The following DAB1 variants were observed in gnomAD, a reference collection of about 807,000 sequenced individuals.
DAB1 encodes the protein disabled homolog 1.
Under a neutral mutation model 64.6 loss-of-function variants are expected in DAB1, and 15 were observed. The ratio of observed to expected loss-of-function variants is 0.23; its 90% CI spans 0.16 to 0.36. The LOEUF is 0.36. Ranked by LOEUF, DAB1 falls within the 10% of genes least tolerant of loss-of-function variation. The pLI is 1.00. For missense variants in DAB1, 596 were observed against 706.7 expected, an observed-to-expected ratio of 0.84 and a Z score of 1.78; for synonymous variants, 235 against 251.9, an observed-to-expected ratio of 0.93 and a Z score of 0.64.
At chr1:57,236,099 C>A (rs756492144) in intron 2 of DAB1, among the ~76,000 whole-genome samples, 1 of 152,076 alleles carries the variant, frequency 6.6e-6, no homozygotes, top group South Asian at 2.1e-4. Flanking sequence ...AGAAAGAAGA[C>A]GAGAGCAGAA....
Position 58,445,567 on chromosome 1 carries a change from G to GA in DAB1, n.257+60492dup, listed in dbSNP as rs775753545. 9.2e-4 allele frequency among the ~76,000 whole-genome samples: 140 copies of GA among 152,326 alleles called. 1 individual carries two copies. The highest frequency in any genetic ancestry group is 1.7e-3 in the Non-Finnish European group (115 of 68,034). On this transcript the variant is annotated intron_variant and non_coding_transcript_variant, in intron 3 of 20. Transcript: ENST00000485760. ...CCTCCATGATTTACACCTCCCATGT[G>GA]AACTTACGCAGGTGCTTCTGTTCTT... is the stretch of plus-strand genomic sequence containing the variant.
At chr1:57,237,786 G>GA (rs1432648058) in intron 2 of DAB1, among the ~76,000 whole-genome samples, 1 of 152,194 alleles carries the variant, frequency 6.6e-6, no homozygotes, top group Non-Finnish European at 1.5e-5. Flanking sequence ...GTTTGCACTT[G>GA]AAAACCACAT....
chr1:58,043,238 TGTACTAATTTCTTTATCAACATGAAAG>T (rs1647166623), intron 5 of DAB1, among the ~76,000 whole-genome samples: 1 of 152,236 alleles, frequency 6.6e-6, no homozygotes, highest in African/African-American at 2.4e-5. Context: ...GCTCCATCTA[TGTACTAATTTCTTTATCAACATGAAAG>T]GTACATCACA....
At chr1:58,196,720 A>G (rs1001112979) in intron 4 of DAB1, among the ~76,000 whole-genome samples, 6 of 152,180 alleles carry the variant, frequency 3.9e-5, no homozygotes, top group African/African-American at 1.4e-4. Context: ...ACTGCCACTT[A>G]TAAACCATCA....
At chr1:58,495,053 A>G (rs1169462309) in intron 3 of DAB1, among the ~76,000 whole-genome samples, 1 of 152,230 alleles carries the variant, frequency 6.6e-6, no homozygotes, top group Non-Finnish European at 1.5e-5. Flanking sequence ...GATTAAGAAA[A>G]TGTGGCACAT....
chr1:58,203,193 T>C (rs771806909), intron 4 of DAB1, among the ~76,000 whole-genome samples: 2 of 152,238 alleles, frequency 1.3e-5, no homozygotes, highest in Non-Finnish European at 2.9e-5. Flanking sequence ...TTCTGCCGTG[T>C]GTTCCTTAAA....
chr1:58,008,472 A>G (rs1368819538), intron 5 of DAB1, among the ~76,000 whole-genome samples: 1 of 152,138 alleles, frequency 6.6e-6, no homozygotes, highest in East Asian at 1.9e-4. Flanking sequence ...AGGGTAAGTT[A>G]GGTATATAGC....
At position 57,075,592 on chromosome 1, in the gene DAB1, G is replaced by A. The variant is rs541362867; in HGVS notation, c.307-3178C>T. Among the ~76,000 whole-genome samples, 5 of 152,228 alleles carry A rather than the reference G, an allele frequency of 3.3e-5. No homozygotes were observed. The South Asian group carries it at 6.2e-4, about 19-fold the overall frequency. ...ATCCTACAATTGCATTATCACATTC[G>A]CTTTAGAAACTTAGAGTATCATGCA... On this transcript the variant is annotated intron_variant, in intron 4 of 14. Transcript: ENST00000371236.
At chr1:57,885,824 G>A (rs1403765713), upstream of DAB1, among the ~76,000 whole-genome samples, 1 of 151,996 alleles carries the variant, frequency 6.6e-6, no homozygotes, top group East Asian at 1.9e-4. Flanking sequence ...AATTATCTGA[G>A]CCTCATTTTC....
At chr1:57,168,002 C>T (rs1661364866) in intron 2 of DAB1, among the ~76,000 whole-genome samples, 1 of 152,158 alleles carries the variant, frequency 6.6e-6, no homozygotes, top group Non-Finnish European at 1.5e-5. Context: ...TCTTCTTTTC[C>T]TTAAAATCCC....
At chr1:57,234,314 G>A (rs1271081146) in intron 2 of DAB1, among the ~76,000 whole-genome samples, 1 of 151,936 alleles carries the variant, frequency 6.6e-6, no homozygotes, top group African/African-American at 2.4e-5. Flanking sequence ...TAATTCCAAG[G>A]TGAATTCATG....
At chr1:57,872,175 C>G (rs772277869) in intron 1 of DAB1, among the ~76,000 whole-genome samples, 1 of 152,162 alleles carries the variant, frequency 6.6e-6, no homozygotes, top group African/African-American at 2.4e-5. Flanking sequence ...TAATAGAAGT[C>G]TAGCACTCTT....
intron 4 of DAB1, among the ~76,000 whole-genome samples, chr1:58,266,710 G>C (rs1024580870): frequency 1.4e-4 from 21 of 152,216 alleles, no homozygotes; most frequent in Non-Finnish European, 1.5e-5. Context: ...CCAAGGAGCA[G>C]AGAATTGGAG....
intron 1 of DAB1, among the ~76,000 whole-genome samples, chr1:57,295,326 C>T (rs1200323768): frequency 1.3e-5 from 2 of 152,150 alleles, no homozygotes; most frequent in African/African-American, 2.4e-5. Context: ...TAATGTAGTG[C>T]TAAAAGACAG....
At chr1:58,006,825 T>C (rs1378462387) in intron 5 of DAB1, among the ~76,000 whole-genome samples, 4 of 152,218 alleles carry the variant, frequency 2.6e-5, no homozygotes, top group Non-Finnish European at 4.4e-5. Flanking sequence ...AACATGTGGA[T>C]TCTGAAAGGG....
intron 7 of DAB1, among the ~76,000 whole-genome samples, chr1:57,431,905 C>T (rs1466631902): frequency 2.0e-5 from 3 of 152,064 alleles, no homozygotes; most frequent in Admixed American, 6.6e-5. Flanking sequence ...CGGCAGATCA[C>T]GAGGTCAGGA....
At chr1:57,453,910 G>T (rs2101160601) in intron 7 of DAB1, among the ~76,000 whole-genome samples, 1 of 152,274 alleles carries the variant, frequency 6.6e-6, no homozygotes, top group East Asian at 1.9e-4. Context: ...CTGATTAGGT[G>T]TCTTTTGAAA....
intron 5 of DAB1, among the ~76,000 whole-genome samples, chr1:58,117,283 G>T (rs1011144986): frequency 6.6e-6 from 1 of 152,194 alleles, no homozygotes; most frequent in Non-Finnish European, 1.5e-5. Context: ...ATAATTAACA[G>T]TGTCTTACTC....
intron 3 of DAB1, among the ~76,000 whole-genome samples, chr1:58,463,113 G>T (rs1409534719): frequency 6.6e-6 from 1 of 152,240 alleles, no homozygotes; most frequent in African/African-American, 2.4e-5. Context: ...TCTAAGAACA[G>T]TGTATTCCAG....
Sources: allele counts gnomAD v4.1 joint callset (sites outside exome capture counted in the v4.1 genomes callset), GRCh38; gene constraint gnomAD v4.1.1; transcripts MANE v1.5; gene names NCBI Gene and HGNC (gene_info 2026-07-23, HGNC 2026-07-21).